Variants in STK32C observed in about 807,000 individuals in gnomAD.
STK32C encodes serine/threonine kinase 32C, also known as serine/threonine-protein kinase 32C.
A neutral mutation model predicts 56.5 loss-of-function variants in STK32C; 31 were observed. That is an observed-to-expected ratio of 0.55 (90% CI 0.41 to 0.74). The LOEUF is 0.74. STK32C is among the 30% of genes least tolerant of loss of function. STK32C has a pLI of 0.00. For synonymous variants in STK32C, 309 were observed against 289.4 expected, an observed-to-expected ratio of 1.07 and a Z score of -0.69; for missense variants, 544 against 676.9, an observed-to-expected ratio of 0.80 and a Z score of 2.18.
chr10:132,210,001 C>T (rs983497068), intron 10 of STK32C, among the ~76,000 whole-genome samples: 4 of 152,114 alleles, frequency 2.6e-5, no homozygotes, highest in Non-Finnish European at 4.4e-5. Flanking sequence ...TCGGAGGGGA[C>T]GTGTGAGTGG....
chr10:132,253,303 G>C (rs558346953), intron 1 of STK32C, among the ~76,000 whole-genome samples: 6 of 152,230 alleles, frequency 3.9e-5, no homozygotes, highest in Non-Finnish European at 8.8e-5. Context: ...AACTGGAACC[G>C]GGCAAAAGGA....
intron 2 of STK32C, among the ~76,000 whole-genome samples, chr10:132,234,092 A>C (rs1450423546): frequency 6.6e-6 from 1 of 152,194 alleles, no homozygotes; most frequent in Non-Finnish European, 1.5e-5. Flanking sequence ...AGTGGCTGAG[A>C]ACCTGTGGCC....
chr10:132,218,548 A>G (rs2062538610), intron 10 of STK32C, among the ~76,000 whole-genome samples: 1 of 152,172 alleles, frequency 6.6e-6, no homozygotes, highest in Admixed American at 6.5e-5. Flanking sequence ...CCAGACAATA[A>G]CAGGACTTGG....
At chr10:132,256,204 C>G (rs1326783536) in intron 1 of STK32C, among the ~76,000 whole-genome samples, 2 of 152,224 alleles carry the variant, frequency 1.3e-5, no homozygotes, top group Non-Finnish European at 2.9e-5. Context: ...TGTGGGGCCC[C>G]TGGGCTCCGA....
chr10:132,261,300 C>A (rs1203985433), intron 1 of STK32C, among the ~76,000 whole-genome samples: 1 of 152,158 alleles, frequency 6.6e-6, no homozygotes, highest in Non-Finnish European at 1.5e-5. Context: ...GGATACAGAA[C>A]CAACATACAA....
At chr10:132,331,174 C>G (rs531967969) in intron 1 of STK32C, among the ~76,000 whole-genome samples, 12 of 130,090 alleles carry the variant, frequency 9.2e-5, no homozygotes, top group Admixed American at 3.6e-4. Context: ...GCACTCCAGC[C>G]TGGGAGACAA....
At chr10:132,231,681 G>C (rs1014945137) in intron 2 of STK32C, among the ~76,000 whole-genome samples, 1 of 152,206 alleles carries the variant, frequency 6.6e-6, no homozygotes, top group Non-Finnish European at 1.5e-5. Flanking sequence ...TCCTGAATTG[G>C]GATGGGCCCT....
chr10:132,283,587 T>C (rs4271318), intron 1 of STK32C, among the ~76,000 whole-genome samples: 128,858 of 152,174 alleles, frequency 0.85, 55,081 homozygotes, highest in Admixed American at 0.89. Context: ...GTGAAGGGGG[T>C]GGTTTGTGAC....
At chr10:132,210,046 AC>A (rs1313947138) in intron 10 of STK32C, among the ~76,000 whole-genome samples, 1 of 152,174 alleles carries the variant, frequency 6.6e-6, no homozygotes, top group Non-Finnish European at 1.5e-5. Context: ...ATCTAGACAT[AC>A]AAAACGTACA....
chr10:132,319,940 T>C (rs759470285), downstream of STK32C, among the ~76,000 whole-genome samples: 1 of 148,840 alleles, frequency 6.7e-6, no homozygotes, highest in Non-Finnish European at 1.5e-5. Context: ...CAGGGTGGAG[T>C]ATAATGGCAC....
chr10:132,217,010 G>A (rs1187443560), intron 10 of STK32C, among the ~76,000 whole-genome samples: 2 of 149,536 alleles, frequency 1.3e-5, no homozygotes, highest in East Asian at 3.9e-4. Flanking sequence ...GGGGCACACT[G>A]CCTAGTGGAG....
Position 132,267,121 on chromosome 10 carries a change from G to A in STK32C, c.263-21166C>T, listed in dbSNP as rs147635418. Among the ~76,000 whole-genome samples the A allele has an allele frequency of 1.9e-3, 295 of 152,304 alleles. 2 individuals carry two copies. The highest frequency in any genetic ancestry group is 4.6e-3 in the African/African-American group (193 of 41,560). The stretch of plus-strand genomic sequence containing the variant: ...TCAGGCTTCCCCGGCCCTGCTCCCC[G>A]CATGGTTTCTCTGACCTGTGACACG... On this transcript the variant is annotated intron_variant, in intron 1 of 11. Transcript: ENST00000298630.
intron 11 of STK32C, 101 bp downstream of exon 11, chr10:132,208,933 C>T (rs1355721743): frequency 5.2e-6 from 6 of 1,143,462 alleles, no homozygotes; most frequent in Non-Finnish European, 7.6e-6. Context: ...GCCACGCACC[C>T]CAGGCCCACA....
chr10:132,301,920 G>C (rs1044841165), intron 1 of STK32C, among the ~76,000 whole-genome samples: 1 of 152,196 alleles, frequency 6.6e-6, no homozygotes, highest in African/African-American at 2.4e-5. Flanking sequence ...CACTCACCAT[G>C]ATGCACCGGC....
intron 2 of STK32C, among the ~76,000 whole-genome samples, chr10:132,243,695 T>C (rs1212794095): frequency 3.3e-5 from 5 of 152,244 alleles, no homozygotes; most frequent in Non-Finnish European, 7.3e-5. Context: ...GGGCCAGGTC[T>C]AGATAATCCA....
upstream of STK32C, among the ~76,000 whole-genome samples, chr10:132,309,466 C>T (rs2066179306): frequency 1.3e-5 from 2 of 152,338 alleles, no homozygotes; most frequent in Non-Finnish European, 2.9e-5. Context: ...GCAGCATAAC[C>T]TAGGTTACCT....
chr10:132,282,791 C>T (rs372242368), intron 1 of STK32C, among the ~76,000 whole-genome samples: 3 of 152,372 alleles, frequency 2.0e-5, no homozygotes, highest in African/African-American at 7.2e-5. Context: ...TCTGGGGAAC[C>T]GGCCAGAAGT....
chr10:132,235,764 G>A (rs1021386629), intron 2 of STK32C, among the ~76,000 whole-genome samples: 1 of 152,150 alleles, frequency 6.6e-6, no homozygotes, highest in South Asian at 2.1e-4. Context: ...TCCAGATCCT[G>A]ATTGAGAGAA....
At chr10:132,321,028 T>G (rs2066396736), downstream of STK32C, among the ~76,000 whole-genome samples, 1 of 152,172 alleles carries the variant, frequency 6.6e-6, no homozygotes, top group Admixed American at 6.5e-5. Flanking sequence ...CCGTGTGGTT[T>G]GTTTGGCCAA....
Sources: allele counts gnomAD v4.1 joint callset (sites outside exome capture counted in the v4.1 genomes callset), GRCh38; gene constraint gnomAD v4.1.1; transcripts MANE v1.5; gene names NCBI Gene and HGNC (gene_info 2026-07-23, HGNC 2026-07-21).